Variants in NBPF9 observed in about 807,000 individuals in gnomAD.
NBPF9 encodes the protein NBPF member 9.
Under a neutral mutation model 97.8 loss-of-function variants are expected in NBPF9, and 91 were observed. That is an observed-to-expected ratio of 0.93 (90% CI 0.79 to 1.11). NBPF9 has a LOEUF of 1.11. Ranked by LOEUF, NBPF9 falls within the 50% of genes least tolerant of loss-of-function variation. The pLI, the probability that NBPF9 is intolerant of heterozygous loss-of-function variation, is 0.00. For synonymous variants in NBPF9, 334 were observed against 359.5 expected (o/e 0.93, Z 0.80); for missense variants, 992 against 939.5 (o/e 1.06, Z -0.73).
At chr1:149,062,710 A>T (rs1292391872) in intron 21 of NBPF9, among the ~76,000 whole-genome samples, 152 bp downstream of exon 21, 4 of 151,808 alleles carry the variant, frequency 2.6e-5, no homozygotes, top group Admixed American at 6.6e-5. Flanking sequence ...TGGAAACCTA[A>T]ACATCTACTG....
intron 17 of NBPF9, among the ~76,000 whole-genome samples, chr1:149,068,997 C>T (rs1553652355): frequency 6.6e-6 from 1 of 152,168 alleles, no homozygotes; most frequent in Non-Finnish European, 1.5e-5. Context: ...TACATGGAAA[C>T]TGAACAACCT....
intron 3 of NBPF9, among the ~76,000 whole-genome samples, chr1:149,100,632 T>C (rs660529): frequency 1.6e-4 from 24 of 152,028 alleles, no homozygotes; most frequent in African/African-American, 5.6e-4. Flanking sequence ...GACACATCCA[T>C]GTAGTAAAAA....
In NBPF9 at chr1:149,061,131, C is replaced by T. The variant is rs1398185565; in HGVS notation, c.2303+201G>A. 3.1e-5 allele frequency: 12 copies of T among 381,772 alleles called. 3 individuals are homozygous for T. Among genetic ancestry groups the T allele is most frequent in the East Asian group, 1.7e-4 (5 of 30,122 alleles). 23.6% of individuals were successfully genotyped at this position (381,772 alleles called of 1,614,324 possible). On this transcript the variant is annotated intron_variant, in intron 23 of 29. Coordinates refer to ENST00000584027, the Ensembl canonical transcript of NBPF9. ...GAGTTTTTGAAGTCTGGTCCACCTA[C>T]AGTAGGTTAGTAAATGATAAGGGGA...
At chr1:149,085,770 C>A (rs1553658261) in intron 5 of NBPF9, among the ~76,000 whole-genome samples, 1 of 151,358 alleles carries the variant, frequency 6.6e-6, no homozygotes, top group Non-Finnish European at 1.5e-5. Flanking sequence ...TTTATAAAGG[C>A]ATAATTTCGG....
rs201463327 is a variant in NBPF9 at position 149,074,435 on chromosome 1, C to G, written c.989-565G>C. Among the ~76,000 whole-genome samples, 2 of 151,412 alleles carry G rather than the reference C, an allele frequency of 1.3e-5. 1 individual carries two copies. The highest frequency in any genetic ancestry group is 3.0e-5 in the Non-Finnish European group (2 of 67,728). On this transcript the variant is annotated intron_variant, in intron 12 of 29. Transcript: ENST00000584027. The stretch of plus-strand genomic sequence containing the variant: ...GCCATGAAGGAAATATGCCCAAATG[C>G]TAATAAAGTTTGTGTTAATTTAGAA...
At chr1:149,066,030 C>T in intron 17 of NBPF9, 1 of 459,650 alleles carries the variant, frequency 2.2e-6, no homozygotes, top group Non-Finnish European at 3.9e-6. Context: ...ATTTTACATG[C>T]AGCATTCAAG....
intron 5 of NBPF9, among the ~76,000 whole-genome samples, chr1:149,084,306 C>G (rs782344076): frequency 6.9e-6 from 1 of 144,526 alleles, no homozygotes; most frequent in African/African-American, 2.6e-5. Context: ...CATGTATACA[C>G]GTATATATAA....
chr1:149,085,350 T>C (rs1553658162), intron 5 of NBPF9, among the ~76,000 whole-genome samples: 1 of 152,174 alleles, frequency 6.6e-6, no homozygotes. Context: ...ATTACTACTG[T>C]TTTAAAATTA....
chr1:149,100,696 G>A (rs2082090310), intron 3 of NBPF9, among the ~76,000 whole-genome samples: 1 of 152,260 alleles, frequency 6.6e-6, no homozygotes, highest in African/African-American at 2.4e-5. Context: ...CACTCTGGGA[G>A]GCTTAAGTGG....
At chr1:149,076,794 C>G (rs2079913105) in intron 11 of NBPF9, among the ~76,000 whole-genome samples, 1 of 151,276 alleles carries the variant, frequency 6.6e-6, no homozygotes, top group South Asian at 2.1e-4. Context: ...AGGTGTGACC[C>G]ACTGCGCCCA....
chr1:149,086,890 G>A (rs1236672993), intron 5 of NBPF9, among the ~76,000 whole-genome samples: 1 of 152,118 alleles, frequency 6.6e-6, no homozygotes, highest in Admixed American at 6.5e-5. Context: ...GACACAGTGT[G>A]TAAATTCCCA....
intron 5 of NBPF9, among the ~76,000 whole-genome samples, chr1:149,089,216 G>A (rs1178416673): frequency 6.6e-5 from 10 of 152,126 alleles, no homozygotes; most frequent in Admixed American, 3.3e-4. Context: ...CACGCACACC[G>A]CTGTTCCCCT....
In NBPF9 at chr1:149,055,770, G is replaced by C. The variant is rs1224973904; in HGVS notation, c.3222C>G (p.Tyr1074Ter). The change falls in exon 30 of 30, where the codon TAC becomes TAG. Residue 1074 changes from tyrosine (Y) to a stop codon, truncating the protein, a stop_gained. Transcript: ENST00000584027. LOFTEE classifies it low-confidence loss of function (END_TRUNC). ...AGCTGATGTGCTGTTCCTCAAATGA[G>C]TAAAACACACTTCTGTAGTGCTGGA... 6.2e-7 allele frequency: 1 copy of C among 1,611,522 alleles called. No individual in the cohort carries two copies. The highest frequency in any genetic ancestry group is 8.5e-7 in the Non-Finnish European group (1 of 1,179,794).
At position 149,079,144 on chromosome 1, in the gene NBPF9, G is replaced by A. The variant is rs587610566; in HGVS notation, c.356C>T (p.Ala119Val). ...GAGATGCTCATTCAATGAGCGGGAG[G>A]CATCTCTCCCTTCCCGTAACTTCTC... Residue 119 changes from alanine (A) to valine (V), a missense_variant, in exon 9 of 30, where the codon GCC becomes GTC. Physicochemically the swap from Ala to Val is moderately conservative, Grantham distance 64. Around this residue, in one of 11 missense-constraint regions of NBPF9, gnomAD observed 109 missense variants for 133.1 expected, o/e 0.82. Coordinates refer to ENST00000584027, the Ensembl canonical transcript of NBPF9. The A allele has an allele frequency of 3.8e-6, 5 of 1,311,826 alleles. No homozygotes were observed. In the African/African-American group the frequency reaches 4.5e-5, roughly 12 times the overall value. The allele number at this position is 1,311,826 out of a possible 1,614,324, so 81.3% of individuals were successfully genotyped here.
intron 3 of NBPF9, among the ~76,000 whole-genome samples, chr1:149,100,157 C>T (rs1449137841): frequency 1.1e-4 from 16 of 139,370 alleles, no homozygotes; most frequent in African/African-American, 4.0e-4. Context: ...AGAGTTACTG[C>T]CTTGACAGGA....
At chr1:149,082,146 G>C (rs781864352) in exon 7 of NBPF9, 2 of 1,612,008 alleles carry the variant, frequency 1.2e-6, no homozygotes, top group Non-Finnish European at 1.7e-6. Flanking sequence ...CCATGCTGAC[G>C]TTTGTGGCAG....
At chr1:149,055,524 T>C (rs1346370333) in exon 30 of NBPF9, 5 of 1,546,548 alleles carry the variant, frequency 3.2e-6, no homozygotes, top group Admixed American at 3.8e-5. Context: ...GGTTTGAGAA[T>C]AGGAATAGAG....
chr1:149,096,067 G>T (rs1372697404), intron 4 of NBPF9, among the ~76,000 whole-genome samples: 1 of 152,064 alleles, frequency 6.6e-6, no homozygotes, highest in African/African-American at 2.4e-5. Flanking sequence ...AAGACGTGGA[G>T]GAACTTAAAA....
At chr1:149,063,070 A>T (rs587665231) in intron 20 of NBPF9, among the ~76,000 whole-genome samples, 157 bp from the exon 21 acceptor site, 1 of 138,726 alleles carries the variant, frequency 7.2e-6, no homozygotes, top group South Asian at 2.5e-4. Flanking sequence ...GCTGATCACC[A>T]TAGAGATTCC....
Sources: allele counts gnomAD v4.1 joint callset (sites outside exome capture counted in the v4.1 genomes callset), GRCh38; gene constraint gnomAD v4.1.1; regional missense constraint gnomAD v4.1.1; transcripts MANE v1.5; gene names NCBI Gene and HGNC (gene_info 2026-07-23, HGNC 2026-07-21).